ANKMY1: variants seen among roughly 807,000 people sequenced by gnomAD.
ANKMY1 encodes the protein ankyrin repeat and MYND domain containing 1, also known as ankyrin repeat and MYND domain-containing protein 1.
A neutral mutation model predicts 102.0 loss-of-function variants in ANKMY1; 98 were observed. The observed-to-expected ratio is 0.96, with a 90% CI of 0.82 to 1.14. The LOEUF (loss-of-function observed/expected upper bound fraction) is 1.14. ANKMY1 is among the 50% of genes most tolerant of loss of function. The pLI is 0.00. For synonymous variants in ANKMY1, 582 were observed against 559.9 expected, an observed-to-expected ratio of 1.04 and a Z score of -0.56; for missense variants, 1,330 against 1,347.6, an observed-to-expected ratio of 0.99 and a Z score of 0.20.
chr2:240,505,048 C>A (rs1443660609), intron 13 of ANKMY1, among the ~76,000 whole-genome samples: 4 of 151,810 alleles, frequency 2.6e-5, no homozygotes, highest in African/African-American at 9.7e-5. Context: ...TGGCTACTAT[C>A]AAAAAAACAG....
In ANKMY1 at chr2:240,524,536, G is replaced by A. The variant is rs528202438; in HGVS notation, c.1336-155C>T. On this transcript the variant is annotated intron_variant, in intron 7 of 17. Transcript: ENST00000401804. ...GGGCAGCTTTCCCCAAACCCTCAAAGAGAAAAGAACACCCCTGTGAAGGCA... is the reference window on the plus strand; with the variant it reads ...GGGCAGCTTTCCCCAAACCCTCAAAAAGAAAAGAACACCCCTGTGAAGGCA... Among the ~76,000 whole-genome samples, 5 of 152,344 alleles carry A rather than the reference G, an allele frequency of 3.3e-5. No individual in the cohort carries two copies. In the East Asian group the frequency reaches 9.6e-4, roughly 29 times the overall value.
At chr2:240,475,479 T>C (rs1267610738), downstream of ANKMY1, among the ~76,000 whole-genome samples, 3 of 152,060 alleles carry the variant, frequency 2.0e-5, no homozygotes, top group Non-Finnish European at 4.4e-5. Context: ...AATACTTAAA[T>C]AAAATACTTA....
At chr2:240,560,620 G>C (rs2092894385), upstream of ANKMY1, 2 of 1,396,290 alleles carry the variant, frequency 1.4e-6, no homozygotes, top group East Asian at 5.8e-5. Context: ...ATAGACTCCT[G>C]GGCGGGCGCC....
At chr2:240,496,868 T>C (rs1265760155) in intron 15 of ANKMY1, among the ~76,000 whole-genome samples, 3 of 152,248 alleles carry the variant, frequency 2.0e-5, no homozygotes, top group Non-Finnish European at 4.4e-5. Flanking sequence ...AAGGTCAGTA[T>C]TGAAGATTGG....
intron 4 of ANKMY1, among the ~76,000 whole-genome samples, chr2:240,542,378 G>A (rs980062851): frequency 3.3e-5 from 5 of 151,896 alleles, no homozygotes; most frequent in African/African-American, 7.3e-5. Context: ...GGTGGCAGGC[G>A]CCTGTAATCC....
chr2:240,507,636 C>G lies in ANKMY1; in HGVS notation c.2450G>C (p.Gly817Ala). ...GGCAACACACAGGGCACTGCCCAAG[C>G]CTTTGGTCAGGGGCAGGTTGGGGTC... ...GADPNLPLTK[G>A]LGSALCVACD... The change falls in exon 13 of 18, where the codon GGC (glycine) becomes GCC (alanine). Residue 817 changes from glycine to alanine, a missense_variant. Coordinates refer to ENST00000401804, the MANE Select transcript of ANKMY1 (RefSeq NM_001282771.3). The G allele has an allele frequency of 6.2e-7, 1 of 1,612,056 alleles. No homozygotes were observed. The highest frequency in any genetic ancestry group is 8.5e-7 in the Non-Finnish European group (1 of 1,178,994).
At chr2:240,480,623 C>T (rs1269503570) in intron 17 of ANKMY1, among the ~76,000 whole-genome samples, 1 of 151,958 alleles carries the variant, frequency 6.6e-6, no homozygotes, top group African/African-American at 2.4e-5. Flanking sequence ...GCAGAGCCCC[C>T]TAGGAGTTCA....
rs951750874 is a variant in ANKMY1 at position 240,488,087 on chromosome 2, T to C, written c.2807-5826A>G. Reference sequence around the variant, plus strand: ...AGGAGAATTTGCCCTAAATTTTGAATATTTTTATAGTCTCAAGTCTTGTGT... The same window carrying C: ...AGGAGAATTTGCCCTAAATTTTGAACATTTTTATAGTCTCAAGTCTTGTGT... On this transcript the variant is annotated intron_variant, in intron 15 of 17. Coordinates refer to ENST00000401804, the MANE Select transcript of ANKMY1 (RefSeq NM_001282771.3). Among the ~76,000 whole-genome samples the C allele has an allele frequency of 6.6e-5, 10 of 152,234 alleles. No individual in the cohort carries two copies. The South Asian group carries it at 2.1e-3, about 32-fold the overall frequency.
chr2:240,544,117 CCAGT>C (rs1477155305), intron 4 of ANKMY1, among the ~76,000 whole-genome samples: 2 of 151,840 alleles, frequency 1.3e-5, no homozygotes, highest in Non-Finnish European at 2.9e-5. Flanking sequence ...TAGAAAGGAA[CCAGT>C]AAGTAGGGGA....
At chr2:240,484,017 A>C (rs1252538964) in intron 15 of ANKMY1, among the ~76,000 whole-genome samples, 3 of 152,218 alleles carry the variant, frequency 2.0e-5, no homozygotes, top group Admixed American at 6.5e-5. Context: ...ACATGAACTC[A>C]GCCTTTTTAT....
In ANKMY1 at chr2:240,507,629, G is replaced by A. The variant is rs2079327849; in HGVS notation, c.2457C>T (p.Gly819=). The change falls in exon 13 of 18, where the codon GGC becomes GGT. Residue 819 remains glycine (G), a synonymous_variant. Coordinates refer to ENST00000401804, the MANE Select transcript of ANKMY1 (RefSeq NM_001282771.3). ...DPNLPLTKGL[G]SALCVACDLT... ...GGTCACAGGCAACACACAGGGCACT[G>A]CCCAAGCCTTTGGTCAGGGGCAGGT... 1.9e-6 allele frequency: 3 copies of A among 1,611,916 alleles called. No individual in the cohort carries two copies. Among genetic ancestry groups the A allele is most frequent in the Middle Eastern group, 1.6e-4 (1 of 6,062 alleles).
chr2:240,522,068 G>T (rs550085422), intron 8 of ANKMY1: 9 of 152,262 alleles, frequency 5.9e-5, no homozygotes, highest in Admixed American at 5.9e-4. Context: ...CCCTTTTTTG[G>T]CCCCGCCCAC....
intron 11 of ANKMY1, among the ~76,000 whole-genome samples, chr2:240,510,373 C>T (rs2079945404): frequency 6.6e-6 from 1 of 152,024 alleles, no homozygotes; most frequent in Non-Finnish European, 1.5e-5. Context: ...CTGGGAACCC[C>T]TCTGTTTTCC....
intron 9 of ANKMY1, among the ~76,000 whole-genome samples, chr2:240,513,193 G>A (rs1350744934): frequency 1.3e-5 from 2 of 152,154 alleles, no homozygotes; most frequent in Admixed American, 1.3e-4. Context: ...CCACAGGTAG[G>A]AAGGCCCACC....
At chr2:240,489,494 T>A (rs929128577) in intron 15 of ANKMY1, among the ~76,000 whole-genome samples, 1 of 152,190 alleles carries the variant, frequency 6.6e-6, no homozygotes, top group African/African-American at 2.4e-5. Context: ...GAAGATTTGT[T>A]GAGTTGTATC....
intron 15 of ANKMY1, among the ~76,000 whole-genome samples, chr2:240,497,198 C>T (rs141356007): frequency 7.9e-5 from 12 of 151,536 alleles, no homozygotes; most frequent in African/African-American, 9.7e-5. Context: ...GCCACCTCCT[C>T]GCCATCTTGG....
At chr2:240,481,761 T>C (rs747402935) in intron 16 of ANKMY1, among the ~76,000 whole-genome samples, 11 of 152,040 alleles carry the variant, frequency 7.2e-5, no homozygotes, top group Non-Finnish European at 1.2e-4. Flanking sequence ...AGGGAGGGGC[T>C]AGGAAGGTGC....
Position 240,506,873 on chromosome 2 carries a change from C to T in ANKMY1, c.2526+687G>A, listed in dbSNP as rs1367829835. Among the ~76,000 whole-genome samples, 3 of 152,120 alleles carry T rather than the reference C, an allele frequency of 2.0e-5. No homozygotes were observed. Among genetic ancestry groups the T allele is most frequent in the African/African-American group, 4.8e-5 (2 of 41,414 alleles). On this transcript the variant is annotated intron_variant, in intron 13 of 17. Transcript: ENST00000401804. The surrounding 1 kb of genome is among the most constrained non-coding windows in gnomAD (Gnocchi z 4.9). ...CCACATGGGAGGGACACTCCAGGGA[C>T]GTGCCTAGGGCTCAGGACAGAAGGT...
At position 240,479,586 on chromosome 2, in the gene ANKMY1, G is replaced by A. The variant is rs771218432; in HGVS notation, c.*23C>T. 4 of 1,613,704 alleles carry A rather than the reference G, an allele frequency of 2.5e-6. No homozygotes were observed. Among genetic ancestry groups the A allele is most frequent in the Non-Finnish European group, 1.7e-6 (2 of 1,179,794 alleles). ...CCACACAGTCCTGGGTCCTCCCCAA[G>A]CCTCGGACGTGCAGCTGCTGCTTCA... On this transcript the variant is annotated 3_prime_UTR_variant, in exon 18 of 18. Coordinates refer to ENST00000401804, the MANE Select transcript of ANKMY1 (RefSeq NM_001282771.3).
Sources: allele counts gnomAD v4.1 joint callset (sites outside exome capture counted in the v4.1 genomes callset), GRCh38; gene constraint gnomAD v4.1.1; non-coding constraint Gnocchi (gnomAD v3.1); transcripts MANE v1.5; gene names NCBI Gene and HGNC (gene_info 2026-07-23, HGNC 2026-07-21).